The following SUCLG2 variants were observed in gnomAD, a reference collection of about 807,000 sequenced individuals.
SUCLG2 encodes succinate-CoA ligase GDP-forming subunit beta.
Under a neutral mutation model 47.9 loss-of-function variants are expected in SUCLG2, and 42 were observed. The ratio of observed to expected loss-of-function variants is 0.88; its 90% CI spans 0.69 to 1.14. The LOEUF (loss-of-function observed/expected upper bound fraction) is 1.14. Among genes scored for constraint, SUCLG2 ranks in the 50% most tolerant of loss-of-function variants. SUCLG2 has a pLI of 0.00. For synonymous variants in SUCLG2, 195 were observed against 197.3 expected (o/e 0.99, Z 0.10); for missense variants, 571 against 525.9 (o/e 1.09, Z -0.84).
At position 67,622,468 on chromosome 3, in the gene SUCLG2, T is replaced by C. The variant is rs577604023; in HGVS notation, c.85-12872A>G. Among the ~76,000 whole-genome samples the C allele has an allele frequency of 2.6e-5, 4 of 152,346 alleles. No individual in the cohort carries two copies. In the East Asian group the frequency reaches 7.7e-4, roughly 29 times the overall value. The stretch of plus-strand genomic sequence containing the variant: ...GACTTCGATTTCATCACTTATACTT[T>C]ACGTCTTTTATTTTAAAGTGATCTG... On this transcript the variant is annotated intron_variant, in intron 1 of 10. Transcript: ENST00000307227.
At chr3:67,501,035 C>T (rs994311831) in intron 7 of SUCLG2, among the ~76,000 whole-genome samples, 2 of 152,124 alleles carry the variant, frequency 1.3e-5, no homozygotes, top group African/African-American at 4.8e-5. Context: ...ACAATCTTGA[C>T]AGAACTTTGC....
At position 67,375,759 on chromosome 3, in the gene SUCLG2, A is replaced by G; in HGVS notation, c.1284T>C (p.Ser428=). 6.2e-7 allele frequency: 1 copy of G among 1,613,386 alleles called. No homozygotes were observed. The highest frequency in any genetic ancestry group is 1.3e-5 in the African/African-American group (1 of 75,038). Residue 428 remains serine, a synonymous_variant, in exon 11 of 11, where the codon AGT becomes AGC. Coordinates refer to ENST00000307227, the MANE Select transcript of SUCLG2 (RefSeq NM_003848.4). ...LEDAAKKAVA[S]VAKK ...GACAAAGACATCACTTCTTGGCCAC[A>G]CTGGCCACAGCCTTCTTGGCTGCAT...
chr3:67,635,321 CCAA>C (rs1334692170), intron 1 of SUCLG2, among the ~76,000 whole-genome samples: 8 of 152,238 alleles, frequency 5.3e-5, no homozygotes, highest in African/African-American at 1.9e-4. Context: ...CTTTCAAAGC[CCAA>C]CAACTGTGAA....
chr3:67,641,043 A>C (rs529281024), intron 1 of SUCLG2, among the ~76,000 whole-genome samples: 4 of 152,238 alleles, frequency 2.6e-5, no homozygotes, highest in Non-Finnish European at 5.9e-5. Flanking sequence ...ACTTAAAATC[A>C]AAATAAAAAA....
intron 9 of SUCLG2, among the ~76,000 whole-genome samples, chr3:67,427,703 C>A (rs1429736302): frequency 6.6e-6 from 1 of 152,198 alleles, no homozygotes; most frequent in African/African-American, 2.4e-5. Context: ...TCAGGGAATT[C>A]CCTTTCCTAG....
intron 10 of SUCLG2, among the ~76,000 whole-genome samples, chr3:67,361,416 G>A (rs149412079): frequency 5.9e-5 from 9 of 152,180 alleles, no homozygotes; most frequent in African/African-American, 2.2e-4. Flanking sequence ...TGAATCATGA[G>A]CACACCACTT....
chr3:67,582,002 T>C (rs1707891829), intron 2 of SUCLG2, among the ~76,000 whole-genome samples: 1 of 152,196 alleles, frequency 6.6e-6, no homozygotes. Flanking sequence ...AGGAACTCTG[T>C]TTAGTTCTCA....
intron 9 of SUCLG2, among the ~76,000 whole-genome samples, chr3:67,486,038 T>C (rs1004702048): frequency 6.6e-6 from 1 of 152,158 alleles, no homozygotes; most frequent in Non-Finnish European, 1.5e-5. Flanking sequence ...TTTGGGAGGC[T>C]AAGAGGCAGA....
chr3:67,495,510 G>C (rs568243730), intron 9 of SUCLG2, among the ~76,000 whole-genome samples: 2 of 151,922 alleles, frequency 1.3e-5, no homozygotes, highest in Non-Finnish European at 2.9e-5. Flanking sequence ...AAGTTAGCTG[G>C]GCGTTGTGGC....
At chr3:67,562,379 G>T (rs1707330046) in intron 2 of SUCLG2, among the ~76,000 whole-genome samples, 1 of 152,058 alleles carries the variant, frequency 6.6e-6, no homozygotes, top group Non-Finnish European at 1.5e-5. Context: ...CCAGGTTCAA[G>T]TGATTCTCCT....
intron 1 of SUCLG2, among the ~76,000 whole-genome samples, chr3:67,619,992 G>T (rs1336369164): frequency 7.9e-5 from 12 of 152,114 alleles, no homozygotes. Context: ...ACAGAAGTAG[G>T]CAAGATTTAT....
At chr3:67,388,697 T>C (rs1702311012) in intron 10 of SUCLG2, among the ~76,000 whole-genome samples, 1 of 152,238 alleles carries the variant, frequency 6.6e-6, no homozygotes, top group African/African-American at 2.4e-5. Context: ...TAATAATGTG[T>C]CCCTTTAAGG....
chr3:67,604,597 C>T (rs114418113), intron 2 of SUCLG2, among the ~76,000 whole-genome samples: 2,531 of 152,164 alleles, frequency 0.017, 67 homozygotes, highest in African/African-American at 0.057. Flanking sequence ...ATATAGTAGA[C>T]ATGAGAGACA....
intron 9 of SUCLG2, among the ~76,000 whole-genome samples, chr3:67,466,857 A>T (rs7616397): frequency 0.69 from 104,278 of 152,038 alleles, 36,007 homozygotes; most frequent in Admixed American, 0.75. Flanking sequence ...CAGCTGAACA[A>T]CCAAGATACA....
At chr3:67,381,071 G>A (rs937133794) in intron 10 of SUCLG2, among the ~76,000 whole-genome samples, 13 of 152,132 alleles carry the variant, frequency 8.5e-5, no homozygotes, top group African/African-American at 2.7e-4. Flanking sequence ...CAGCTACTCA[G>A]GAGGCTGAGG....
chr3:67,434,251 C>T (rs890240190), intron 9 of SUCLG2, among the ~76,000 whole-genome samples: 1 of 152,188 alleles, frequency 6.6e-6, no homozygotes, highest in African/African-American at 2.4e-5. Context: ...TGTGGCCAGG[C>T]ATAGTGGCTC....
chr3:67,568,874 G>C (rs972968567), intron 2 of SUCLG2, among the ~76,000 whole-genome samples: 1 of 152,118 alleles, frequency 6.6e-6, no homozygotes, highest in African/African-American at 2.4e-5. Context: ...GCGACAGAGC[G>C]AGACTCCGTC....
At chr3:67,460,773 T>C (rs936962634) in intron 9 of SUCLG2, among the ~76,000 whole-genome samples, 4 of 152,170 alleles carry the variant, frequency 2.6e-5, no homozygotes, top group South Asian at 2.1e-4. Flanking sequence ...TTTGATCTGA[T>C]AGTAAAAACA....
chr3:67,642,857 G>A (rs1000287038), intron 1 of SUCLG2, among the ~76,000 whole-genome samples: 2 of 151,966 alleles, frequency 1.3e-5, no homozygotes, highest in Admixed American at 6.6e-5. Context: ...CTCTGTGTGT[G>A]TGTGTGTTAT....
Sources: gnomAD v4.1 joint callset for allele counts (sites outside exome capture counted in the v4.1 genomes callset) on GRCh38, gnomAD v4.1.1 for gene constraint, MANE v1.5 for transcripts, NCBI Gene and HGNC (gene_info 2026-07-23, HGNC 2026-07-21) for gene names.